The following ZNF277 variants were observed in gnomAD, a reference collection of about 807,000 sequenced individuals.
ZNF277 encodes the protein zinc finger protein 277.
A neutral mutation model predicts 60.7 loss-of-function variants in ZNF277; 55 were observed. The ratio of observed to expected loss-of-function variants is 0.91; its 90% CI spans 0.73 to 1.13. ZNF277 has a LOEUF of 1.13. Among genes scored for constraint, ZNF277 ranks in the 50% most tolerant of loss-of-function variants. The pLI is 0.00. For synonymous variants in ZNF277, 178 were observed against 179.3 expected (o/e 0.99, Z 0.06); for missense variants, 510 against 523.0 (o/e 0.98, Z 0.24).
intron 1 of ZNF277, among the ~76,000 whole-genome samples, chr7:112,223,120 A>G (rs111457678): frequency 1.2e-3 from 183 of 152,232 alleles, no homozygotes; most frequent in African/African-American, 4.0e-3. Flanking sequence ...CTTTATATGT[A>G]TATGTTTCAT....
intron 5 of ZNF277, among the ~76,000 whole-genome samples, chr7:112,324,220 T>C (rs1793049206): frequency 6.6e-6 from 1 of 152,206 alleles, no homozygotes; most frequent in Non-Finnish European, 1.5e-5. Context: ...AGCCTACAGA[T>C]AGGCAAAATT....
chr7:112,310,485 G>GAGAGAGAGA (rs768628542), intron 4 of ZNF277, among the ~76,000 whole-genome samples: 7 of 147,212 alleles, frequency 4.8e-5, no homozygotes, highest in South Asian at 2.1e-4. Flanking sequence ...GAGAGTGTGT[G>GAGAGAGAGA]TGTGTGTATG....
At chr7:112,226,163 CA>C (rs1368775746) in intron 1 of ZNF277, among the ~76,000 whole-genome samples, 2 of 152,146 alleles carry the variant, frequency 1.3e-5, no homozygotes, top group African/African-American at 4.8e-5. Context: ...CAAACAGTTC[CA>C]TCTGTAAATA....
rs1793141372 is a variant in ZNF277, at chr7:112,328,132, T to C, written c.668+305T>C. On this transcript the variant is annotated intron_variant, in intron 6 of 11. Transcript: ENST00000361822. ...AGAAATAGAACATTGTTAATTCCTTTGAATCTCCCTGTGTGTCTTTCCTCA... is the reference window on the plus strand; with the variant it reads ...AGAAATAGAACATTGTTAATTCCTTCGAATCTCCCTGTGTGTCTTTCCTCA... The C allele has an allele frequency of 2.8e-5, 5 of 175,666 alleles. No homozygotes were observed. In the East Asian group the frequency reaches 7.8e-4, roughly 27 times the overall value. The allele number at this position is 175,666 out of a possible 1,614,324, so 10.9% of individuals were successfully genotyped here.
chr7:112,232,042 C>T (rs867803309), intron 1 of ZNF277, among the ~76,000 whole-genome samples: 10 of 133,254 alleles, frequency 7.5e-5, no homozygotes, highest in African/African-American at 2.9e-4. Context: ...TAAATAAATA[C>T]ATATATATAT....
intron 1 of ZNF277, among the ~76,000 whole-genome samples, chr7:112,267,464 G>T (rs1306950253): frequency 6.6e-6 from 1 of 152,094 alleles, no homozygotes; most frequent in Non-Finnish European, 1.5e-5. Context: ...CGTTCTATTT[G>T]AAAGGTATTA....
At chr7:112,296,931 T>TTTTTTTTTTTTTTTTTTTTTTTATTTTA (rs1792365597) in intron 4 of ZNF277, among the ~76,000 whole-genome samples, 1 of 84,072 alleles carries the variant, frequency 1.2e-5, no homozygotes, top group Non-Finnish European at 2.6e-5. Context: ...TTTTTTTTTT[T>TTTTTTTTTTTTTTTTTTTTTTTATTTTA]TTTTTTTTTT....
At chr7:112,223,802 T>C (rs2116966161) in intron 1 of ZNF277, among the ~76,000 whole-genome samples, 1 of 152,298 alleles carries the variant, frequency 6.6e-6, no homozygotes, top group East Asian at 1.9e-4. Flanking sequence ...AAACTAGGTA[T>C]TACAGACAAC....
chr7:112,264,408 A>G (rs902865746), intron 1 of ZNF277, among the ~76,000 whole-genome samples: 1 of 152,130 alleles, frequency 6.6e-6, no homozygotes, highest in African/African-American at 2.4e-5. Flanking sequence ...AAAAATGGCA[A>G]AAAATTAGGT....
intron 1 of ZNF277, among the ~76,000 whole-genome samples, chr7:112,208,362 A>G (rs1446601934): frequency 6.6e-6 from 1 of 152,158 alleles, no homozygotes; most frequent in Non-Finnish European, 1.5e-5. Context: ...AGGCAGAGCA[A>G]GACTCTGTAT....
At chr7:112,336,309 T>C in intron 8 of ZNF277, 138 bp downstream of exon 8, 1 of 627,424 alleles carries the variant, frequency 1.6e-6, no homozygotes, top group Non-Finnish European at 2.5e-6. Flanking sequence ...CTTCATGTAA[T>C]GTGGCAAAAA....
chr7:112,259,331 T>G (rs1228637581), intron 1 of ZNF277, among the ~76,000 whole-genome samples: 2 of 152,168 alleles, frequency 1.3e-5, no homozygotes, highest in Non-Finnish European at 2.9e-5. Flanking sequence ...ATTCCAAATA[T>G]TAGAAGGAAA....
chr7:112,270,476 C>T (rs1791643494), intron 1 of ZNF277, among the ~76,000 whole-genome samples: 1 of 152,050 alleles, frequency 6.6e-6, no homozygotes, highest in African/African-American at 2.4e-5. Flanking sequence ...AATGAGAAAG[C>T]TCGGCCCTGA....
intron 1 of ZNF277, among the ~76,000 whole-genome samples, chr7:112,245,214 T>C (rs532622808): frequency 6.6e-6 from 1 of 152,294 alleles, no homozygotes; most frequent in South Asian, 2.1e-4. Context: ...TTCCTTTCAG[T>C]TATTCCTTTA....
intron 1 of ZNF277, among the ~76,000 whole-genome samples, chr7:112,259,989 C>T (rs1279420532): frequency 6.6e-6 from 1 of 152,176 alleles, no homozygotes; most frequent in Non-Finnish European, 1.5e-5. Flanking sequence ...AAGCTACAGG[C>T]AGCACAGTGG....
At chr7:112,281,617 T>C (rs1353279504) in intron 1 of ZNF277, among the ~76,000 whole-genome samples, 4 of 152,244 alleles carry the variant, frequency 2.6e-5, no homozygotes, top group Non-Finnish European at 5.9e-5. Context: ...AACATCTGGC[T>C]GTAAATATAG....
chr7:112,264,831 A>G (rs1368474590), intron 1 of ZNF277, among the ~76,000 whole-genome samples: 2 of 152,156 alleles, frequency 1.3e-5, no homozygotes, highest in Non-Finnish European at 2.9e-5. Flanking sequence ...AAAATAATGT[A>G]CATACCTTAA....
chr7:112,327,650 C>A, intron 5 of ZNF277, 67 bp from the exon 6 acceptor site: 1 of 1,204,970 alleles, frequency 8.3e-7, no homozygotes, highest in Non-Finnish European at 1.2e-6. Context: ...TATGTGAATG[C>A]TATTCCAACC....
intron 1 of ZNF277, among the ~76,000 whole-genome samples, chr7:112,232,042 C>CATATGTATATAT (rs1822348072): frequency 7.5e-6 from 1 of 133,286 alleles, no homozygotes; most frequent in African/African-American, 3.2e-5. Context: ...TAAATAAATA[C>CATATGTATATAT]ATATATATAT....
Sources: gnomAD v4.1 joint callset for allele counts (sites outside exome capture counted in the v4.1 genomes callset) on GRCh38, gnomAD v4.1.1 for gene constraint, MANE v1.5 for transcripts, NCBI Gene and HGNC (gene_info 2026-07-23, HGNC 2026-07-21) for gene names.